NEXMIF: variants seen among roughly 807,000 people sequenced by gnomAD.
NEXMIF encodes neurite extension and migration factor.
NEXMIF carries 8 observed loss-of-function variants against 62.1 expected under a neutral mutation model. The ratio of observed to expected loss-of-function variants is 0.13; its 90% CI spans 0.08 to 0.23. The LOEUF (loss-of-function observed/expected upper bound fraction) is 0.23. NEXMIF is among the 10% of genes least tolerant of loss of function. NEXMIF has a pLI of 1.00. For synonymous variants in NEXMIF, 404 were observed against 416.6 expected, an observed-to-expected ratio of 0.97 and a Z score of 0.37; for missense variants, 976 against 1,113.3, an observed-to-expected ratio of 0.88 and a Z score of 1.75.
chrX:74,791,585 C>T (rs2080283188), intron 1 of NEXMIF, among the ~76,000 whole-genome samples: 2 of 111,327 alleles, frequency 1.8e-5, no homozygotes, highest in South Asian at 3.8e-4. Context: ...TGGTAGAATT[C>T]GGCTGTGAAT....
At chrX:74,765,812 G>A (rs2080192947) in intron 1 of NEXMIF, among the ~76,000 whole-genome samples, 2 of 100,731 alleles carry the variant, frequency 2.0e-5, no homozygotes, top group South Asian at 9.9e-4. Context: ...GATTGCCTGA[G>A]TTCAAGAGTT....
chrX:74,875,440 T>G (rs905444137), intron 1 of NEXMIF, among the ~76,000 whole-genome samples: 6 of 112,037 alleles, frequency 5.4e-5, no homozygotes, highest in African/African-American at 1.6e-4. Flanking sequence ...ATCAAGGATA[T>G]TGGTCTAAAA....
chrX:74,907,346 G>A (rs779869004), intron 1 of NEXMIF, among the ~76,000 whole-genome samples: 1 of 40,992 alleles, frequency 2.4e-5, no homozygotes, highest in Non-Finnish European at 5.4e-5. Context: ...CCCCCCCCCC[G>A]CCCCTTACCT....
chrX:74,856,373 C>A (rs964937707), intron 1 of NEXMIF, among the ~76,000 whole-genome samples: 7 of 111,512 alleles, frequency 6.3e-5, no homozygotes, highest in African/African-American at 2.0e-4. Context: ...TTGAGATTAA[C>A]CAGTCTAAGG....
intron 1 of NEXMIF, among the ~76,000 whole-genome samples, chrX:74,791,645 C>A (rs1180014729): frequency 9.0e-6 from 1 of 110,881 alleles, no homozygotes; most frequent in Non-Finnish European, 1.9e-5. Flanking sequence ...ATTATTGCCA[C>A]AATTTCAGAT....
Position 74,735,737 on chromosome X carries a change from G to C in NEXMIF, c.*3668C>G, listed in dbSNP as rs775582216. On this transcript the variant is annotated 3_prime_UTR_variant, in exon 4 of 4. Coordinates refer to ENST00000055682, the MANE Select transcript of NEXMIF (RefSeq NM_001008537.3). ...TTTGAAAACATCAGGAAAAGGTAAG[G>C]CCTTGACACATAGTTGCAGAGTAAC... 2.7e-5 allele frequency: 3 copies of C among 111,845 alleles called. No individual in the cohort carries two copies. The highest frequency in any genetic ancestry group is 9.6e-5 in the Admixed American group (1 of 10,409). 9.2% of individuals were successfully genotyped at this position (111,845 alleles called of 1,213,427 possible).
At position 74,834,277 on chromosome X, in the gene NEXMIF, G is replaced by A. The variant is rs186475044; in HGVS notation, c.-47-88580C>T. Among the ~76,000 whole-genome samples the A allele has an allele frequency of 7.5e-3, 829 of 111,238 alleles. 5 individuals carry two copies. Among genetic ancestry groups the A allele is most frequent in the Non-Finnish European group, 0.012 (624 of 53,038 alleles). On this transcript the variant is annotated intron_variant, in intron 1 of 3. Coordinates refer to ENST00000055682, the MANE Select transcript of NEXMIF (RefSeq NM_001008537.3). ...CTATGTCTTGAAAAGTTGTTGTAGTGTAGATATTATTTTTGATTGGTTCAT... is the reference window on the plus strand; with the variant it reads ...CTATGTCTTGAAAAGTTGTTGTAGTATAGATATTATTTTTGATTGGTTCAT...
intron 1 of NEXMIF, among the ~76,000 whole-genome samples, chrX:74,881,496 A>T (rs926926588): frequency 2.8e-5 from 3 of 108,574 alleles, no homozygotes; most frequent in African/African-American, 1.0e-4. Flanking sequence ...CTTCACTTAA[A>T]CCAGTGTTTC....
At position 74,852,693 on chromosome X, in the gene NEXMIF, G is replaced by A. The variant is rs756419890; in HGVS notation, c.-48+72190C>T. On this transcript the variant is annotated intron_variant, in intron 1 of 3. Coordinates refer to ENST00000055682, the MANE Select transcript of NEXMIF (RefSeq NM_001008537.3). ...GAAATTAAACAACATGCTCCTGAAT[G>A]ACCACTGGATTAAAGAAAAAGTTAA... Among the ~76,000 whole-genome samples the A allele has an allele frequency of 6.3e-5, 7 of 111,814 alleles. No individual in the cohort carries two copies. In the South Asian group the frequency reaches 2.6e-3, roughly 41 times the overall value.
At chrX:74,796,450 T>G (rs1291396711) in intron 1 of NEXMIF, among the ~76,000 whole-genome samples, 2 of 103,574 alleles carry the variant, frequency 1.9e-5, no homozygotes, top group Non-Finnish European at 3.9e-5. Context: ...TGACCACTCC[T>G]AGATCTTGGT....
intron 1 of NEXMIF, among the ~76,000 whole-genome samples, chrX:74,919,183 T>C: frequency 8.9e-6 from 1 of 111,923 alleles, no homozygotes; most frequent in East Asian, 2.8e-4. Context: ...TTTTCCAGCA[T>C]GCAGACATCA....
intron 1 of NEXMIF, among the ~76,000 whole-genome samples, chrX:74,767,368 G>A (rs919086919): frequency 8.9e-6 from 1 of 112,433 alleles, no homozygotes; most frequent in African/African-American, 3.2e-5. Flanking sequence ...CAAAGATGGC[G>A]GCCTGTCCCT....
At chrX:74,853,705 CA>C in intron 1 of NEXMIF, among the ~76,000 whole-genome samples, 1 of 109,186 alleles carries the variant, frequency 9.2e-6, no homozygotes, top group East Asian at 2.9e-4. Flanking sequence ...TTAAGCTAAC[CA>C]AAAAAAGAGA....
intron 1 of NEXMIF, among the ~76,000 whole-genome samples, chrX:74,813,963 A>G (rs1346452341): frequency 8.9e-6 from 1 of 111,798 alleles, no homozygotes; most frequent in African/African-American, 3.2e-5. Context: ...GCTTGACAGA[A>G]CTTTAGTATT....
chrX:74,885,098 C>G (rs757003281), intron 1 of NEXMIF, among the ~76,000 whole-genome samples: 1 of 109,945 alleles, frequency 9.1e-6, no homozygotes, highest in Middle Eastern at 4.2e-3. Context: ...TTGAAACCAA[C>G]GAGAACAAAG....
At chrX:74,827,576 G>A (rs1287658161) in intron 1 of NEXMIF, among the ~76,000 whole-genome samples, 2 of 112,329 alleles carry the variant, frequency 1.8e-5, no homozygotes, top group Admixed American at 1.9e-4. Flanking sequence ...AGGTACTTAA[G>A]ATAGACTTTC....
intron 1 of NEXMIF, among the ~76,000 whole-genome samples, chrX:74,915,069 G>T (rs992082284): frequency 1.2e-4 from 13 of 111,710 alleles, no homozygotes; most frequent in African/African-American, 4.2e-4. Flanking sequence ...GACTATAAAG[G>T]TGTAGCACAA....
intron 1 of NEXMIF, among the ~76,000 whole-genome samples, chrX:74,886,614 G>T (rs1378016790): frequency 9.0e-6 from 1 of 110,706 alleles, no homozygotes; most frequent in Non-Finnish European, 1.9e-5. Flanking sequence ...ACCTCTTCAA[G>T]GAGAACTACA....
rs774654591 is a variant in NEXMIF, at chrX:74,740,268, T to G, written c.4289A>C (p.Lys1430Thr). Reference sequence around the variant, plus strand: ...GCCTAAAGTGCTCATGTTACTATACTTTTTATCAAAGAAGGTAGAGCGAGA... The same window carrying G: ...GCCTAAAGTGCTCATGTTACTATACGTTTTATCAAAGAAGGTAGAGCGAGA... ...EDSRSTFFDK[K>T]YSNMSTLGNN... Residue 1430 changes from lysine to threonine, a missense_variant, in exon 3 of 4, where the codon AAG becomes ACG. Lys to Thr is a moderately conservative substitution (Grantham distance 78). This residue lies in a region of NEXMIF where 137 missense variants were observed against 128.9 expected (regional missense o/e 1.06). Coordinates refer to ENST00000055682, the MANE Select transcript of NEXMIF (RefSeq NM_001008537.3). 8 of 1,209,597 alleles carry G rather than the reference T, an allele frequency of 6.6e-6. No individual in the cohort carries two copies. The Admixed American group carries it at 1.8e-4, about 26-fold the overall frequency.
Sources: gnomAD v4.1 joint callset for allele counts (sites outside exome capture counted in the v4.1 genomes callset) on GRCh38, gnomAD v4.1.1 for gene constraint, gnomAD v4.1.1 regional missense constraint, MANE v1.5 for transcripts, NCBI Gene and HGNC (gene_info 2026-07-23, HGNC 2026-07-21) for gene names.